The following SLC1A5 variants were observed in gnomAD, a reference collection of about 807,000 sequenced individuals.
SLC1A5 encodes the protein solute carrier family 1 member 5.
Under a neutral mutation model 34.9 loss-of-function variants are expected in SLC1A5, and 25 were observed. The ratio of observed to expected loss-of-function variants is 0.72; its 90% CI spans 0.52 to 1.00. The LOEUF is 1.00. Ranked by LOEUF, SLC1A5 falls within the 50% of genes least tolerant of loss-of-function variation. The pLI is 0.00. For missense variants in SLC1A5, 637 were observed against 740.0 expected (o/e 0.86, Z 1.61); for synonymous variants, 351 against 341.2 (o/e 1.03, Z -0.32).
At chr19:46,784,723 A>G in intron 1 of SLC1A5, 164 bp from the exon 2 acceptor site, 2 of 1,516,874 alleles carry the variant, frequency 1.3e-6, no homozygotes. Flanking sequence ...GGTTGGAACT[A>G]GGCTTGCACC....
chr19:46,777,459 C>T (rs975914814), intron 5 of SLC1A5, 54 bp from the exon 6 acceptor site: 2 of 1,514,944 alleles, frequency 1.3e-6, no homozygotes, highest in African/African-American at 2.7e-5. Flanking sequence ...GGGCTCCGCC[C>T]ACCCTCCAGG....
intron 4 of SLC1A5, 32 bp downstream of exon 4, chr19:46,782,351 A>ACCCCCCCTCCCCCCC: frequency 1.2e-5 from 3 of 256,186 alleles, no homozygotes; most frequent in South Asian, 7.7e-5. Context: ...CTCCAACCCC[A>ACCCCCCCTCCCCCCC]CCCACCCCCA....
At chr19:46,784,880 A>G in intron 1 of SLC1A5, 1 of 1,361,470 alleles carries the variant, frequency 7.3e-7, no homozygotes, top group Non-Finnish European at 9.4e-7. Flanking sequence ...CACCCCATGC[A>G]GCAAACTTAA....
Position 46,778,752 on chromosome 19 carries a change from G to A in SLC1A5, c.981C>T (p.Leu327=), listed in dbSNP as rs760003919. ...AGCGGTAGGGGTTTTTGCGGGTGAA[G>A]AGGAAGTAGATGAGGGGCAGTACCA... is the stretch of plus-strand genomic sequence containing the variant. The part of the protein sequence containing the change: ...GLLVLPLIYF[L]FTRKNPYRFL... Residue 327 remains leucine (L), a synonymous_variant, in exon 5 of 8, where the codon CTC becomes CTT. Coordinates refer to ENST00000542575, the MANE Select transcript of SLC1A5 (RefSeq NM_005628.3). The A allele has an allele frequency of 2.5e-6, 4 of 1,614,032 alleles. No homozygotes were observed. The highest frequency in any genetic ancestry group is 4.5e-5 in the East Asian group (2 of 44,872).
chr19:46,786,220 C>G (rs2055185215), intron 1 of SLC1A5, among the ~76,000 whole-genome samples: 1 of 152,194 alleles, frequency 6.6e-6, no homozygotes, highest in South Asian at 2.1e-4. Context: ...GTGTGTATGA[C>G]CGCTGGTATC....
Position 46,782,516 on chromosome 19 carries a change from T to C in SLC1A5, c.691A>G (p.Ile231Val). The C allele has an allele frequency of 1.2e-6, 2 of 1,614,034 alleles. 1 individual carries two copies. Among genetic ancestry groups the C allele is most frequent in the Non-Finnish European group, 1.7e-6 (2 of 1,180,004 alleles). Residue 231 changes from isoleucine to valine, a missense_variant, in exon 4 of 8, where the codon ATC becomes GTC. Ile to Val is a conservative substitution (Grantham distance 29). Transcript: ENST00000542575. ...PVGQEVEGMN[I>V]LGLVVFAIVF... ...ATGGCAAACACTACCAAGCCCAGGATGTTCATCCCCTCCACCTCCTGCCCC... is the reference window on the plus strand; with the variant it reads ...ATGGCAAACACTACCAAGCCCAGGACGTTCATCCCCTCCACCTCCTGCCCC...
intron 5 of SLC1A5, 59 bp downstream of exon 5, chr19:46,778,616 T>G: frequency 2.4e-6 from 3 of 1,262,990 alleles, no homozygotes; most frequent in Non-Finnish European, 3.4e-6. Context: ...GAAAATTTCA[T>G]CCGCTCCATG....
intron 4 of SLC1A5, among the ~76,000 whole-genome samples, chr19:46,780,147 G>A (rs903235733): frequency 2.0e-5 from 3 of 151,394 alleles, no homozygotes; most frequent in African/African-American, 4.9e-5. Context: ...CCTCCGTACT[G>A]GGCCACCCAG....
chr19:46,786,792 G>A (rs934740526), intron 1 of SLC1A5, among the ~76,000 whole-genome samples: 9 of 152,180 alleles, frequency 5.9e-5, no homozygotes, highest in East Asian at 1.9e-4. Context: ...CCCAGACAGA[G>A]GAGGAAACGG....
At position 46,778,748 on chromosome 19, in the gene SLC1A5, T is replaced by C; in HGVS notation, c.985A>G (p.Thr329Ala). ...LVLPLIYFLF[T>A]RKNPYRFLWG... ...AGGAAGCGGTAGGGGTTTTTGCGGG[T>C]GAAGAGGAAGTAGATGAGGGGCAGT... Residue 329 changes from threonine to alanine, a missense_variant, in exon 5 of 8, where the codon ACC becomes GCC. By Grantham distance (58) the Thr-to-Ala change is moderately conservative. Coordinates refer to ENST00000542575, the MANE Select transcript of SLC1A5 (RefSeq NM_005628.3). The C allele has an allele frequency of 7.0e-6, 11 of 1,564,148 alleles. No individual in the cohort carries two copies. The highest frequency in any genetic ancestry group is 8.7e-6 in the Non-Finnish European group (10 of 1,150,474).
At chr19:46,776,734 A>G (rs1222644869) in intron 7 of SLC1A5, 4 of 454,780 alleles carry the variant, frequency 8.8e-6, no homozygotes, top group Non-Finnish European at 1.6e-5. Context: ...GAACCTGAGC[A>G]GTCTGGCTGA....
intron 7 of SLC1A5, 132 bp downstream of exon 7, chr19:46,776,843 C>A: frequency 1.0e-6 from 1 of 980,716 alleles, no homozygotes. Context: ...GCTCAAGGTT[C>A]CCCCCATTTC....
Position 46,784,828 on chromosome 19 carries a change from C to T in SLC1A5, c.567-269G>A, listed in dbSNP as rs753618813. ...TGGGTTCGGGGTGAGGAATGCTGGC[C>T]TCCCACGGCAGGCCAGGGCAGGTCG... On this transcript the variant is annotated intron_variant, in intron 1 of 7. Coordinates refer to ENST00000542575, the MANE Select transcript of SLC1A5 (RefSeq NM_005628.3). 7.8e-6 allele frequency: 11 copies of T among 1,414,930 alleles called. No individual in the cohort carries two copies. The African/African-American group carries it at 1.3e-4, about 17-fold the overall frequency. The allele number at this position is 1,414,930 out of a possible 1,614,324, so 87.6% of individuals were successfully genotyped here.
chr19:46,787,537 C>G lies in SLC1A5; in HGVS notation c.429G>C (p.Ser143=), dbSNP rs773088686. The change falls in exon 1 of 8, where the codon TCG becomes TCC. Residue 143 remains serine, a synonymous_variant. Coordinates refer to ENST00000542575, the MANE Select transcript of SLC1A5 (RefSeq NM_005628.3). The surrounding 1 kb of genome is among the most constrained non-coding windows in gnomAD (Gnocchi z 5.2). ...CCAGCGCCAAGCCCACTCCGAGCGC[C>G]GACGCCAGCAGCGTGGTGACCAGGA... ...LFFLVTTLLA[S]ALGVGLALAL... is the part of the protein sequence containing the mutation. 1.3e-6 allele frequency: 2 copies of G among 1,573,832 alleles called. No individual in the cohort carries two copies. Among genetic ancestry groups the G allele is most frequent in the East Asian group, 2.3e-5 (1 of 43,128 alleles).
At chr19:46,782,624 C>T (rs1599733385) in intron 3 of SLC1A5, 75 bp from the exon 4 acceptor site, 1 of 1,556,530 alleles carries the variant, frequency 6.4e-7, no homozygotes, top group East Asian at 2.3e-5. Context: ...CTGTCCTTGG[C>T]ACCACTGGGA....
intron 4 of SLC1A5, 41 bp downstream of exon 4, chr19:46,782,342 T>TACCACCCCCCCCCCCCCCCCCCC: frequency 5.7e-6 from 3 of 523,372 alleles, no homozygotes; most frequent in Non-Finnish European, 7.0e-6. Context: ...AGACCGACCC[T>TACCACCCCCCCCCCCCCCCCCCC]CCAACCCCAC....
intron 3 of SLC1A5, 48 bp from the exon 4 acceptor site, chr19:46,782,597 G>A: frequency 4.4e-6 from 7 of 1,605,800 alleles, no homozygotes; most frequent in Non-Finnish European, 6.0e-6. Flanking sequence ...CAGTCTACCT[G>A]CACAGTCACT....
chr19:46,787,133 A>T lies in SLC1A5; in HGVS notation c.566+267T>A. Reference sequence around the variant, plus strand: ...CTCAGTGTCTTTCTCCCCTAGGCAGACCCTCCTATGTCTCCCCAAATCACT... The same window carrying T: ...CTCAGTGTCTTTCTCCCCTAGGCAGTCCCTCCTATGTCTCCCCAAATCACT... On this transcript the variant is annotated intron_variant, in intron 1 of 7. Coordinates refer to ENST00000542575, the MANE Select transcript of SLC1A5 (RefSeq NM_005628.3). The surrounding 1 kb of genome is among the most constrained non-coding windows in gnomAD (Gnocchi z 5.2). The T allele has an allele frequency of 2.1e-6, 2 of 970,230 alleles. No homozygotes were observed. The highest frequency in any genetic ancestry group is 3.4e-5 in the East Asian group (1 of 29,586). The allele number at this position is 970,230 out of a possible 1,614,324, so 60.1% of individuals were successfully genotyped here.
At position 46,775,144 on chromosome 19, in the gene SLC1A5, T is replaced by G. The variant is rs1234791793; in HGVS notation, c.*366A>C. 1 of 1,042,582 alleles carries G rather than the reference T, an allele frequency of 9.6e-7. No individual in the cohort carries two copies. Among genetic ancestry groups the G allele is most frequent in the Non-Finnish European group, 1.2e-6 (1 of 865,548 alleles). 64.6% of individuals were successfully genotyped at this position (1,042,582 alleles called of 1,614,324 possible). A position where few individuals can be genotyped will look rare whatever the true frequency, so the allele number is the denominator to read the frequency against. ...AGCCGCCAAAATAACCAGCATGGTG[T>G]TGTAACATCCCCCCAGTGGGGGCTA... is the stretch of plus-strand genomic sequence containing the variant. On this transcript the variant is annotated 3_prime_UTR_variant, in exon 8 of 8. Coordinates refer to ENST00000542575, the MANE Select transcript of SLC1A5 (RefSeq NM_005628.3).
Sources: gnomAD v4.1 joint callset for allele counts (sites outside exome capture counted in the v4.1 genomes callset) on GRCh38, gnomAD v4.1.1 for gene constraint, Gnocchi (gnomAD v3.1) non-coding constraint, MANE v1.5 for transcripts, NCBI Gene and HGNC (gene_info 2026-07-23, HGNC 2026-07-21) for gene names.